BMP5: variants seen among roughly 807,000 people sequenced by gnomAD.
The protein encoded by BMP5 is bone morphogenetic protein 5.
Under a neutral mutation model 46.6 loss-of-function variants are expected in BMP5, and 23 were observed. The ratio of observed to expected loss-of-function variants is 0.49; its 90% CI spans 0.35 to 0.70. The LOEUF is 0.70. BMP5 is among the 30% of genes least tolerant of loss of function. The probability of loss-of-function intolerance (pLI) is 0.00; values close to 1 mark genes in which losing one functional copy is unlikely to be tolerated. For synonymous variants in BMP5, 204 were observed against 191.9 expected (o/e 1.06, Z -0.52); for missense variants, 545 against 565.6 (o/e 0.96, Z 0.37).
chr6:55,779,504 T>A (rs1478038520), intron 3 of BMP5, among the ~76,000 whole-genome samples: 5 of 152,036 alleles, frequency 3.3e-5, no homozygotes, highest in African/African-American at 1.2e-4. Flanking sequence ...ATGGATTATA[T>A]GACTCTAAAT....
chr6:55,864,852 T>C (rs1401485678), intron 1 of BMP5, among the ~76,000 whole-genome samples: 1 of 151,886 alleles, frequency 6.6e-6, no homozygotes, highest in African/African-American at 2.4e-5. Flanking sequence ...TAAAAAATTA[T>C]AAGTTATTAT....
Position 55,790,274 on chromosome 6 carries a change from A to G in BMP5, c.832+4005T>C, listed in dbSNP as rs180700002. ...ACATGTTCAGTGGCAAGTGAACTAC[A>G]AGACCTTTTTAATTACAAACTCACT... On this transcript the variant is annotated intron_variant, in intron 3 of 6. Coordinates refer to ENST00000370830, the MANE Select transcript of BMP5 (RefSeq NM_021073.4). Among the ~76,000 whole-genome samples the G allele has an allele frequency of 2.4e-3, 366 of 152,294 alleles. 2 individuals are homozygous for G. Among genetic ancestry groups the G allele is most frequent in the African/African-American group, 8.3e-3 (346 of 41,580 alleles).
At chr6:55,792,208 C>T (rs1775586712) in intron 3 of BMP5, among the ~76,000 whole-genome samples, 1 of 152,156 alleles carries the variant, frequency 6.6e-6, no homozygotes, top group Non-Finnish European at 1.5e-5. Context: ...GCCTATAATA[C>T]TTTCAGTAAG....
At chr6:55,851,445 G>C (rs891946009) in intron 1 of BMP5, among the ~76,000 whole-genome samples, 1 of 152,144 alleles carries the variant, frequency 6.6e-6, no homozygotes, top group Non-Finnish European at 1.5e-5. Context: ...CAAGACTAGA[G>C]CGGTTGTCCA....
intron 5 of BMP5, among the ~76,000 whole-genome samples, 167 bp downstream of exon 5, chr6:55,760,290 T>C (rs1333368525): frequency 2.0e-5 from 3 of 152,018 alleles, no homozygotes; most frequent in Admixed American, 6.6e-5. Flanking sequence ...GTTTCAATGG[T>C]AAAAGGTTAA....
chr6:55,780,044 TTTCTC>T (rs1209521712), intron 3 of BMP5, among the ~76,000 whole-genome samples: 9 of 152,078 alleles, frequency 5.9e-5, no homozygotes, highest in East Asian at 1.9e-4. Flanking sequence ...TGGCTGGACT[TTTCTC>T]TTCTCTTCTT....
At chr6:55,814,623 C>T (rs555664848) in intron 2 of BMP5, among the ~76,000 whole-genome samples, 13 of 152,142 alleles carry the variant, frequency 8.5e-5, no homozygotes, top group East Asian at 7.7e-4. Context: ...TAAGACATAT[C>T]GCTATTTCTA....
intron 2 of BMP5, among the ~76,000 whole-genome samples, chr6:55,813,648 G>T (rs148053011): frequency 2.0e-5 from 3 of 151,890 alleles, no homozygotes; most frequent in Non-Finnish European, 4.4e-5. Flanking sequence ...TTAGCCAGGC[G>T]TGGTGGCAGG....
chr6:55,804,884 G>A (rs1775951014), intron 2 of BMP5, among the ~76,000 whole-genome samples: 1 of 152,158 alleles, frequency 6.6e-6, no homozygotes, highest in African/African-American at 2.4e-5. Context: ...ATTTAAGTTT[G>A]TATGTGGAAG....
At chr6:55,805,275 G>C (rs1269842065) in intron 2 of BMP5, among the ~76,000 whole-genome samples, 1 of 152,114 alleles carries the variant, frequency 6.6e-6, no homozygotes, top group Non-Finnish European at 1.5e-5. Context: ...GGATACTAGT[G>C]CATAACCTGT....
intron 4 of BMP5, among the ~76,000 whole-genome samples, chr6:55,771,559 A>G (rs897318715): frequency 1.3e-5 from 2 of 151,860 alleles, no homozygotes; most frequent in African/African-American, 2.4e-5. Flanking sequence ...GGGGACTCCT[A>G]TTCTGTGCTG....
At chr6:55,830,817 C>T (rs546483026) in intron 1 of BMP5, among the ~76,000 whole-genome samples, 1 of 152,046 alleles carries the variant, frequency 6.6e-6, no homozygotes, top group South Asian at 2.1e-4. Context: ...TCTACTATCT[C>T]CAGAAATGAT....
At chr6:55,768,105 A>G (rs765122897) in intron 4 of BMP5, among the ~76,000 whole-genome samples, 2 of 151,968 alleles carry the variant, frequency 1.3e-5, no homozygotes, top group African/African-American at 2.4e-5. Context: ...CAGTGTATTA[A>G]TTATATAATA....
intron 1 of BMP5, among the ~76,000 whole-genome samples, chr6:55,828,564 A>G (rs932333366): frequency 1.3e-5 from 2 of 151,936 alleles, no homozygotes; most frequent in South Asian, 2.1e-4. Flanking sequence ...TGGAGTTTGC[A>G]TATTTTATTT....
At chr6:55,819,899 A>G (rs766225463) in intron 1 of BMP5, 52 bp from the exon 2 acceptor site, 4 of 1,388,130 alleles carry the variant, frequency 2.9e-6, no homozygotes, top group South Asian at 2.4e-5. Context: ...TTTATAAAAT[A>G]TGGAAATTAA....
At chr6:55,836,361 A>G (rs573852086) in intron 1 of BMP5, among the ~76,000 whole-genome samples, 7 of 152,304 alleles carry the variant, frequency 4.6e-5, no homozygotes, top group Non-Finnish European at 5.9e-5. Flanking sequence ...GTATGTAACT[A>G]TTTTGCAAAG....
intron 1 of BMP5, among the ~76,000 whole-genome samples, chr6:55,840,376 G>A (rs1373239015): frequency 6.6e-6 from 1 of 152,024 alleles, no homozygotes; most frequent in Non-Finnish European, 1.5e-5. Flanking sequence ...TTTTCCTGGT[G>A]AAGACCTCCA....
chr6:55,858,960 C>T (rs1331731838), intron 1 of BMP5, among the ~76,000 whole-genome samples: 2 of 152,032 alleles, frequency 1.3e-5, no homozygotes, highest in Admixed American at 6.6e-5. Context: ...CACACTGGGG[C>T]CTGTCGGCGA....
chr6:55,762,258 A>G (rs1774804161), intron 4 of BMP5, among the ~76,000 whole-genome samples: 1 of 152,112 alleles, frequency 6.6e-6, no homozygotes, highest in Non-Finnish European at 1.5e-5. Flanking sequence ...ATTAAAAAAT[A>G]ATTTGTTTTA....
Sources: allele counts gnomAD v4.1 joint callset (sites outside exome capture counted in the v4.1 genomes callset), GRCh38; gene constraint gnomAD v4.1.1; transcripts MANE v1.5; gene names NCBI Gene and HGNC (gene_info 2026-07-23, HGNC 2026-07-21).